Variants in FBXL17 observed in about 807,000 individuals in gnomAD.
The protein encoded by FBXL17 is F-box/LRR-repeat protein 17.
A neutral mutation model predicts 66.2 loss-of-function variants in FBXL17; 22 were observed. That is an observed-to-expected ratio of 0.33 (90% CI 0.24 to 0.47). The LOEUF (loss-of-function observed/expected upper bound fraction) is 0.47. FBXL17 is among the 20% of genes least tolerant of loss of function. The probability of loss-of-function intolerance (pLI) is 1.00; values close to 1 mark genes in which losing one functional copy is unlikely to be tolerated. For missense variants in FBXL17, 878 were observed against 948.2 expected (o/e 0.93, Z 0.97); for synonymous variants, 474 against 400.5 (o/e 1.18, Z -2.19).
chr5:108,073,170 G>C (rs898694188), intron 6 of FBXL17, among the ~76,000 whole-genome samples: 2 of 152,124 alleles, frequency 1.3e-5, no homozygotes, highest in Non-Finnish European at 2.9e-5. Flanking sequence ...TCTAAACTGA[G>C]TAACACCAAA....
At chr5:107,918,150 T>C (rs1750195573) in intron 7 of FBXL17, among the ~76,000 whole-genome samples, 1 of 152,104 alleles carries the variant, frequency 6.6e-6, no homozygotes, top group African/African-American at 2.4e-5. Context: ...TGCAGGCAGC[T>C]CCCTCAGCTC....
intron 3 of FBXL17, among the ~76,000 whole-genome samples, chr5:108,360,284 C>T (rs1445542341): frequency 6.6e-6 from 1 of 152,132 alleles, no homozygotes; most frequent in Non-Finnish European, 1.5e-5. Context: ...TAGTAACAAA[C>T]TCCTTTAGCT....
At chr5:108,112,160 G>T (rs186493078) in intron 6 of FBXL17, among the ~76,000 whole-genome samples, 3 of 152,170 alleles carry the variant, frequency 2.0e-5, no homozygotes, top group Non-Finnish European at 4.4e-5. Context: ...GCACAGAAAG[G>T]GCAAGTGAGC....
At position 107,903,442 on chromosome 5, in the gene FBXL17, T is replaced by C. The variant is rs116371440; in HGVS notation, c.1823-22263A>G. Among the ~76,000 whole-genome samples, 294 of 152,310 alleles carry C rather than the reference T, an allele frequency of 1.9e-3. 1 individual carries two copies. The highest frequency in any genetic ancestry group is 6.7e-3 in the African/African-American group (280 of 41,584). ...GTAAGCCACACGGAAATGCTGTTTT[T>C]ATAGTCCAAACATCAGCAATTTCAA... On this transcript the variant is annotated intron_variant, in intron 7 of 8. Transcript: ENST00000542267.
intron 7 of FBXL17, among the ~76,000 whole-genome samples, chr5:107,914,228 G>A (rs962612351): frequency 2.0e-5 from 3 of 152,136 alleles, no homozygotes; most frequent in African/African-American, 7.2e-5. Context: ...GGTTACTAGA[G>A]TCATGGGGGA....
chr5:108,251,811 CATATT>C (rs1162471847), intron 4 of FBXL17, among the ~76,000 whole-genome samples: 2 of 152,002 alleles, frequency 1.3e-5, no homozygotes, highest in Non-Finnish European at 2.9e-5. Flanking sequence ...ATATAAATAA[CATATT>C]GTATAGTTCT....
At chr5:108,020,819 G>T in intron 7 of FBXL17, 106 bp downstream of exon 7, 1 of 775,436 alleles carries the variant, frequency 1.3e-6, no homozygotes, top group African/African-American at 1.7e-5. Flanking sequence ...CATAAGTGAC[G>T]ATAGACAGTC....
intron 6 of FBXL17, among the ~76,000 whole-genome samples, chr5:108,126,631 G>C (rs868805897): frequency 3.0e-4 from 34 of 112,566 alleles, no homozygotes; most frequent in South Asian, 1.8e-3. Context: ...CTGTCTCTCT[G>C]TCTCTCTCTC....
intron 7 of FBXL17, among the ~76,000 whole-genome samples, chr5:107,934,658 T>A (rs996664917): frequency 6.6e-6 from 1 of 152,142 alleles, no homozygotes; most frequent in African/African-American, 2.4e-5. Flanking sequence ...TTACCATATC[T>A]GAAAAGTAGT....
At chr5:107,932,398 T>A (rs1486018688) in intron 7 of FBXL17, among the ~76,000 whole-genome samples, 1 of 152,068 alleles carries the variant, frequency 6.6e-6, no homozygotes, top group African/African-American at 2.4e-5. Context: ...TAGAATGAGG[T>A]TGGATATTTT....
intron 6 of FBXL17, among the ~76,000 whole-genome samples, chr5:108,029,462 C>T (rs190651569): frequency 1.3e-3 from 205 of 152,182 alleles, no homozygotes; most frequent in African/African-American, 4.8e-3. Context: ...GCTTCCAAAG[C>T]TCTTGGGACT....
chr5:108,281,024 C>T (rs1757682108), intron 4 of FBXL17, among the ~76,000 whole-genome samples: 1 of 151,662 alleles, frequency 6.6e-6, no homozygotes, highest in Admixed American at 6.6e-5. Flanking sequence ...AGTCATAAAA[C>T]AAATATTACT....
intron 7 of FBXL17, among the ~76,000 whole-genome samples, chr5:107,991,695 T>C (rs530955480): frequency 1.3e-4 from 20 of 152,328 alleles, no homozygotes; most frequent in African/African-American, 4.6e-4. Context: ...TCCCCAGAAA[T>C]AACCTGCCCT....
chr5:108,061,248 T>C (rs1466148769), intron 6 of FBXL17, among the ~76,000 whole-genome samples: 1 of 151,934 alleles, frequency 6.6e-6, no homozygotes, highest in Non-Finnish European at 1.5e-5. Flanking sequence ...GATCATGCCA[T>C]TGCACCCTAG....
At chr5:108,104,777 T>C (rs968578631) in intron 6 of FBXL17, among the ~76,000 whole-genome samples, 1 of 152,240 alleles carries the variant, frequency 6.6e-6, no homozygotes, top group African/African-American at 2.4e-5. Context: ...GGATATGTAT[T>C]TTAAAAGACT....
intron 5 of FBXL17, among the ~76,000 whole-genome samples, chr5:108,204,980 AACTT>A (rs1327085523): frequency 6.6e-6 from 1 of 151,982 alleles, no homozygotes; most frequent in Non-Finnish European, 1.5e-5. Context: ...GTGTGATCGA[AACTT>A]ACTGCAGACT....
chr5:108,251,558 T>A (rs1365893474), intron 4 of FBXL17, among the ~76,000 whole-genome samples: 1 of 152,030 alleles, frequency 6.6e-6, no homozygotes, highest in Non-Finnish European at 1.5e-5. Context: ...TGTCTGGTTT[T>A]CAAAATTCAT....
At position 108,261,645 on chromosome 5, in the gene FBXL17, A is replaced by G. The variant is rs147255465; in HGVS notation, c.1507-37417T>C. ...GACCCAAACTAAACACATTCTAGAG[A>G]AAGTATTCAAATAAAAAACAAAATC... On this transcript the variant is annotated intron_variant, in intron 4 of 8. Coordinates refer to ENST00000542267, the MANE Select transcript of FBXL17 (RefSeq NM_001163315.3). Among the ~76,000 whole-genome samples, 504 of 152,242 alleles carry G rather than the reference A, an allele frequency of 3.3e-3. 3 individuals are homozygous for G. Among genetic ancestry groups the G allele is most frequent in the African/African-American group, 0.012 (482 of 41,560 alleles).
chr5:108,376,252 C>T lies in FBXL17; in HGVS notation c.993+4447G>A, dbSNP rs114015982. On this transcript the variant is annotated intron_variant, in intron 1 of 8. Transcript: ENST00000542267. Reference sequence around the variant, plus strand: ...TTTCTGCATCATGACTTCTATGCAACATTGTACTGGAGATTCTGGCTAGGG... The same window carrying T: ...TTTCTGCATCATGACTTCTATGCAATATTGTACTGGAGATTCTGGCTAGGG... Among the ~76,000 whole-genome samples, 618 of 152,216 alleles carry T rather than the reference C, an allele frequency of 4.1e-3. 4 individuals carry two copies. Among genetic ancestry groups the T allele is most frequent in the African/African-American group, 0.014 (593 of 41,542 alleles).
Sources: gnomAD v4.1 joint callset for allele counts (sites outside exome capture counted in the v4.1 genomes callset) on GRCh38, gnomAD v4.1.1 for gene constraint, MANE v1.5 for transcripts, NCBI Gene and HGNC (gene_info 2026-07-23, HGNC 2026-07-21) for gene names.